The following MYCBP2 variants were observed in gnomAD, a reference collection of about 807,000 sequenced individuals.
The protein encoded by MYCBP2 is E3 ubiquitin-protein ligase MYCBP2.
A neutral mutation model predicts 525.3 loss-of-function variants in MYCBP2; 120 were observed. The ratio of observed to expected loss-of-function variants is 0.23; its 90% CI spans 0.20 to 0.27. The LOEUF (loss-of-function observed/expected upper bound fraction) is 0.27. Ranked by LOEUF, MYCBP2 falls within the 10% of genes least tolerant of loss-of-function variation. MYCBP2 has a pLI of 1.00. For missense variants in MYCBP2, 4,149 were observed against 5,657.1 expected, an observed-to-expected ratio of 0.73 and a Z score of 8.55; for synonymous variants, 1,894 against 1,955.8, an observed-to-expected ratio of 0.97 and a Z score of 0.83.
chr13:77,316,611 T>G (rs1423841446), intron 1 of MYCBP2, among the ~76,000 whole-genome samples: 1 of 149,506 alleles, frequency 6.7e-6, no homozygotes, highest in Non-Finnish European at 1.5e-5. Context: ...GTGAGTGTCA[T>G]TTCCTGGAGA....
Position 77,045,235 on chromosome 13 carries a change from G to T in MYCBP2, c.*143C>A. 3.8e-6 allele frequency: 2 copies of T among 525,498 alleles called. No individual in the cohort carries two copies. Among genetic ancestry groups the T allele is most frequent in the South Asian group, 6.4e-5 (2 of 31,244 alleles). The allele number at this position is 525,498 out of a possible 1,614,324, so 32.6% of individuals were successfully genotyped here. A position where few individuals can be genotyped will look rare whatever the true frequency, so the allele number is the denominator to read the frequency against. Reference sequence around the variant, plus strand: ...GCAAGAATTATGTACATGGTATTTGGTATCCTTCTTGCACTGTGAATGGTT... The same window carrying T: ...GCAAGAATTATGTACATGGTATTTGTTATCCTTCTTGCACTGTGAATGGTT... On this transcript the variant is annotated 3_prime_UTR_variant, in exon 83 of 83. Transcript: ENST00000544440.
chr13:77,134,668 C>A (rs2053463541), intron 52 of MYCBP2, among the ~76,000 whole-genome samples: 1 of 151,824 alleles, frequency 6.6e-6, no homozygotes, highest in Non-Finnish European at 1.5e-5. Context: ...CTGAACCCTT[C>A]ATCTATTTAG....
In MYCBP2 at chr13:77,234,787, C is replaced by G. The variant is rs146669237; in HGVS notation, c.2630-1524G>C. Among the ~76,000 whole-genome samples the G allele has an allele frequency of 3.7e-3, 566 of 151,786 alleles. 15 individuals carry two copies. The highest frequency in any genetic ancestry group is 4.6e-3 in the East Asian group (24 of 5,186). On this transcript the variant is annotated intron_variant, in intron 17 of 82. Transcript: ENST00000544440. Reference sequence around the variant, plus strand: ...TGTTACAAAGCAGATATATAAATTACTATAAAAAGTATTTTCCAACTATAT... The same window carrying G: ...TGTTACAAAGCAGATATATAAATTAGTATAAAAAGTATTTTCCAACTATAT...
At chr13:77,158,395 T>C (rs2057468511) in intron 44 of MYCBP2, among the ~76,000 whole-genome samples, 1 of 152,192 alleles carries the variant, frequency 6.6e-6, no homozygotes, top group Non-Finnish European at 1.5e-5. Flanking sequence ...CTATATGTTA[T>C]GTCCTCATTT....
Position 77,098,923 on chromosome 13 carries a change from G to C in MYCBP2, c.8231C>G (p.Pro2744Arg). 6.2e-7 allele frequency: 1 copy of C among 1,613,592 alleles called. No individual in the cohort carries two copies. The highest frequency in any genetic ancestry group is 2.2e-5 in the East Asian group (1 of 44,870). The change falls in exon 56 of 83, where the codon CCT becomes CGT. Residue 2744 changes from proline to arginine, a missense_variant. Pro to Arg is a moderately radical substitution (Grantham distance 103, BLOSUM62 -2). Around this residue, in one of 21 missense-constraint regions of MYCBP2, gnomAD observed 653 missense variants for 744.7 expected, o/e 0.88. Transcript: ENST00000544440. ...AGTAGTCCGGCTCATACGTCCATCAGGTTTAAGCGATCTGCTGTGTTTAGA... is the reference window on the plus strand; with the variant it reads ...AGTAGTCCGGCTCATACGTCCATCACGTTTAAGCGATCTGCTGTGTTTAGA... Reference protein sequence around the residue: ...LSSKHSRSLKPDGRMSRTTAD... With the variant: ...LSSKHSRSLKRDGRMSRTTAD...
Position 77,267,931 on chromosome 13 carries a change from A to T in MYCBP2, c.1267T>A (p.Leu423Ile). The change falls in exon 8 of 83, where the codon TTA (leucine) becomes ATA (isoleucine). Residue 423 changes from leucine to isoleucine, a missense_variant. Physicochemically the swap from Leu to Ile is conservative, Grantham distance 5. Coordinates refer to ENST00000544440, the MANE Select transcript of MYCBP2 (RefSeq NM_015057.5). ...KSWLGYAQGY[L>I]LYRDVNNHSM... is the part of the protein sequence containing the mutation. ...TGGTTATTCACATCTCTATATAATA[A>T]ATAACCCTGATAACAGCAAAAAATT... The T allele has an allele frequency of 6.2e-7, 1 of 1,610,134 alleles. No homozygotes were observed. The highest frequency in any genetic ancestry group is 1.1e-5 in the South Asian group (1 of 90,316).
At chr13:77,142,470 T>C (rs2054838102) in intron 49 of MYCBP2, among the ~76,000 whole-genome samples, 1 of 152,224 alleles carries the variant, frequency 6.6e-6, no homozygotes, top group African/African-American at 2.4e-5. Flanking sequence ...TATGAGAACA[T>C]ACAATTACAT....
chr13:77,216,625 T>C (rs1425929841), intron 21 of MYCBP2, among the ~76,000 whole-genome samples: 1 of 152,206 alleles, frequency 6.6e-6, no homozygotes. Context: ...AACCTGCATC[T>C]AAACATGAGG....
chr13:77,221,477 C>T (rs962801164), intron 20 of MYCBP2, among the ~76,000 whole-genome samples: 6 of 152,142 alleles, frequency 3.9e-5, no homozygotes, highest in Admixed American at 2.6e-4. Context: ...TTCTGAGTGC[C>T]AAGTGCACAG....
At chr13:77,286,554 C>A (rs958254553) in intron 3 of MYCBP2, among the ~76,000 whole-genome samples, 36 of 150,106 alleles carry the variant, frequency 2.4e-4, no homozygotes, top group African/African-American at 8.5e-4. Context: ...GAGATCGAGA[C>A]CATCCCGGCT....
chr13:77,229,276 C>T (rs1315335105), intron 18 of MYCBP2, among the ~76,000 whole-genome samples: 1 of 152,170 alleles, frequency 6.6e-6, no homozygotes, highest in Non-Finnish European at 1.5e-5. Flanking sequence ...TCAATATTTA[C>T]TATTGTTACT....
intron 48 of MYCBP2, 146 bp from the exon 49 acceptor site, chr13:77,144,706 A>C: frequency 1.6e-6 from 1 of 634,172 alleles, no homozygotes; most frequent in Non-Finnish European, 2.8e-6. Flanking sequence ...TACTCTCCAA[A>C]ATGCTTGAAT....
intron 59 of MYCBP2, among the ~76,000 whole-genome samples, chr13:77,092,041 C>T (rs2185468): frequency 6.7e-6 from 1 of 149,494 alleles, no homozygotes. Flanking sequence ...ACGAGTAATC[C>T]ACACAGTTGG....
At chr13:77,257,858 A>C in intron 13 of MYCBP2, 29 bp from the exon 14 acceptor site, 2 of 1,581,472 alleles carry the variant, frequency 1.3e-6, no homozygotes, top group Non-Finnish European at 1.7e-6. Context: ...TTTAGTAAAA[A>C]CAACAAAAAG....
intron 72 of MYCBP2, 75 bp from the exon 73 acceptor site, chr13:77,064,809 A>G: frequency 7.5e-7 from 1 of 1,337,594 alleles, no homozygotes; most frequent in Non-Finnish European, 1.0e-6. Context: ...TTCTTAAATA[A>G]CATCTCCTAT....
At chr13:77,223,466 G>T (rs754586550) in intron 20 of MYCBP2, among the ~76,000 whole-genome samples, 3 of 152,166 alleles carry the variant, frequency 2.0e-5, no homozygotes, top group Non-Finnish European at 4.4e-5. Context: ...AACTAATAAA[G>T]ATGGATTTTC....
At chr13:77,288,418 TATC>T in intron 2 of MYCBP2, 42 bp from the exon 3 acceptor site, 3 of 1,497,382 alleles carry the variant, frequency 2.0e-6, no homozygotes, top group Non-Finnish European at 2.8e-6. Flanking sequence ...CACTCTTTTC[TATC>T]ATCAAGTCCC....
chr13:77,068,946 AT>A lies in MYCBP2; in HGVS notation c.11905-116del, dbSNP rs141912493. The A allele has an allele frequency of 8.0e-4, 798 of 993,034 alleles. 2 individuals are homozygous for A. In the African/African-American group the frequency reaches 0.012, roughly 15 times the overall value. 61.5% of individuals were successfully genotyped at this position (993,034 alleles called of 1,614,324 possible). On this transcript the variant is annotated intron_variant, in intron 69 of 82. Transcript: ENST00000544440. ...AGAATGTAAATTGATACTCAATTTA[AT>A]ACTATTCTCCCAGTTAATTCTCCAT...
chr13:77,176,033 T>TA (rs397814778), intron 36 of MYCBP2, among the ~76,000 whole-genome samples: 1 of 148,238 alleles, frequency 6.7e-6, no homozygotes, highest in African/African-American at 2.5e-5. Context: ...TTTTTTTTTT[T>TA]AAATGAGTTA....
Sources: allele counts gnomAD v4.1 joint callset (sites outside exome capture counted in the v4.1 genomes callset), GRCh38; gene constraint gnomAD v4.1.1; regional missense constraint gnomAD v4.1.1; transcripts MANE v1.5; gene names NCBI Gene and HGNC (gene_info 2026-07-23, HGNC 2026-07-21).